Variants in GRAMD4 observed in about 807,000 individuals in gnomAD.
GRAMD4 encodes GRAM domain containing 4.
GRAMD4 carries 25 observed loss-of-function variants against 83.9 expected under a neutral mutation model. The ratio of observed to expected loss-of-function variants is 0.30; its 90% confidence interval spans 0.22 to 0.42. GRAMD4 has a LOEUF of 0.42. Among genes scored for constraint, GRAMD4 ranks in the 10% least tolerant of loss-of-function variants. The pLI, the probability that GRAMD4 is intolerant of heterozygous loss-of-function variation, is 1.00. For missense variants in GRAMD4, 593 were observed against 788.7 expected (o/e 0.75, Z 2.97); for synonymous variants, 336 against 320.9 (o/e 1.05, Z -0.50).
downstream of GRAMD4, among the ~76,000 whole-genome samples, chr22:46,680,932 A>G (rs529203199): frequency 1.0e-5 from 1 of 98,528 alleles, no homozygotes; most frequent in South Asian, 4.4e-4. Context: ...CCACCCATTT[A>G]CCCACCCACC....
Position 46,679,398 on chromosome 22 carries a change from C to T in GRAMD4, c.*2147C>T. 2 of 985,422 alleles carry T rather than the reference C, an allele frequency of 2.0e-6. No individual in the cohort carries two copies. Among genetic ancestry groups the T allele is most frequent in the Admixed American group, 6.1e-5 (1 of 16,290 alleles). 61.0% of individuals were successfully genotyped at this position (985,422 alleles called of 1,614,324 possible). On this transcript the variant is annotated 3_prime_UTR_variant, in exon 19 of 19. Transcript: ENST00000406902. ...CGGGGAGCGGGGGGTCGGGGGAGGG[C>T]CACCGACTGGCTCTGCTGCCAGCAC...
rs1262814777 is a variant in GRAMD4, at chr22:46,604,960, A to T, written c.-49-21791A>T. Reference sequence around the variant, plus strand: ...GGGTTCACCCAGGTCTTGGTGCCATAATGTTCTCTGGGTTCACCCAGGTTT... The same window carrying T: ...GGGTTCACCCAGGTCTTGGTGCCATTATGTTCTCTGGGTTCACCCAGGTTT... On this transcript the variant is annotated intron_variant, in intron 1 of 1. Coordinates refer to the GRAMD4 transcript ENST00000431155. Among the ~76,000 whole-genome samples the T allele has an allele frequency of 8.3e-5, 8 of 95,856 alleles. 1 individual carries two copies. The highest frequency in any genetic ancestry group is 3.9e-4 in the African/African-American group (7 of 17,788). 62.9% of individuals were successfully genotyped at this position (95,856 alleles called of 152,430 possible).
At chr22:46,624,737 C>T (rs951046144) in intron 1 of GRAMD4, among the ~76,000 whole-genome samples, 4 of 152,208 alleles carry the variant, frequency 2.6e-5, no homozygotes, top group African/African-American at 4.8e-5. Context: ...CTCATGCTCC[C>T]TCAGCCTATG....
At chr22:46,639,610 GC>G (rs1471415792) in intron 3 of GRAMD4, among the ~76,000 whole-genome samples, 2 of 151,756 alleles carry the variant, frequency 1.3e-5, no homozygotes, top group Non-Finnish European at 2.9e-5. Flanking sequence ...GCGTGTGCAT[GC>G]CCGTGTGCAG....
At chr22:46,582,358 C>T (rs1014176634) in intron 1 of GRAMD4, among the ~76,000 whole-genome samples, 2 of 152,018 alleles carry the variant, frequency 1.3e-5, no homozygotes, top group Admixed American at 6.6e-5. Flanking sequence ...CTCCAGGAAA[C>T]GGCTCAGCCT....
At chr22:46,664,178 C>A in intron 8 of GRAMD4, 61 bp downstream of exon 8, 1 of 1,173,172 alleles carries the variant, frequency 8.5e-7, no homozygotes, top group Non-Finnish European at 1.3e-6. Flanking sequence ...GCATTCACCA[C>A]ATGATCAGGC....
chr22:46,625,397 C>G (rs1368741375), intron 1 of GRAMD4, among the ~76,000 whole-genome samples: 2 of 152,198 alleles, frequency 1.3e-5, no homozygotes, highest in Non-Finnish European at 1.5e-5. Flanking sequence ...TGGAGCTGAC[C>G]TTGCTCTCAG....
rs1050669074 is a variant in GRAMD4, at chr22:46,676,780, A to T, written c.1632+112A>T. On this transcript the variant is annotated intron_variant, in intron 18 of 18. Coordinates refer to ENST00000406902, the MANE Select transcript of GRAMD4 (RefSeq NM_015124.5). ...CAGCCAGAGTTTTAGTTTGGGCAGC[A>T]GGGTCACAAAGCCGCCCCCTCCCTC... 4.4e-5 allele frequency: 43 copies of T among 988,186 alleles called. No homozygotes were observed. The African/African-American group carries it at 6.1e-4, about 14-fold the overall frequency. The allele number at this position is 988,186 out of a possible 1,614,324, so 61.2% of individuals were successfully genotyped here.
At chr22:46,577,716 C>G (rs1016560059) in intron 1 of GRAMD4, among the ~76,000 whole-genome samples, 1 of 152,272 alleles carries the variant, frequency 6.6e-6, no homozygotes, top group Non-Finnish European at 1.5e-5. Flanking sequence ...GAGGGCGCCC[C>G]AGCCCCTGCT....
Position 46,677,544 on chromosome 22 carries a change from A to G in GRAMD4, c.*293A>G. 8.5e-7 allele frequency: 1 copy of G among 1,178,088 alleles called. No individual in the cohort carries two copies. Among genetic ancestry groups the G allele is most frequent in the Non-Finnish European group, 1.1e-6 (1 of 947,080 alleles). The allele number at this position is 1,178,088 out of a possible 1,614,324, so 73.0% of individuals were successfully genotyped here. The stretch of plus-strand genomic sequence containing the variant: ...TCGGGGGCCCGTGGAGAAGACACAC[A>G]GGACCCCTGGCCCTGCCCTTCTCCG... On this transcript the variant is annotated 3_prime_UTR_variant, in exon 19 of 19. Coordinates refer to ENST00000406902, the MANE Select transcript of GRAMD4 (RefSeq NM_015124.5).
upstream of GRAMD4, among the ~76,000 whole-genome samples, chr22:46,616,733 C>T (rs1381430286): frequency 3.8e-5 from 5 of 131,296 alleles, no homozygotes; most frequent in Admixed American, 7.6e-5. Context: ...TAGGTTCCCC[C>T]GTGTGTGCAG....
In GRAMD4 at chr22:46,661,455, G is replaced by A; in HGVS notation, c.466+13G>A. On this transcript the variant is annotated intron_variant, in intron 5 of 18. Coordinates refer to ENST00000406902, the MANE Select transcript of GRAMD4 (RefSeq NM_015124.5). ...AGCAATGGAGCAGGTACACCCTGGTGGGCGGGTGGACAGGCAGGCGGGCGG... is the reference window on the plus strand; with the variant it reads ...AGCAATGGAGCAGGTACACCCTGGTAGGCGGGTGGACAGGCAGGCGGGCGG... 6.3e-7 allele frequency: 1 copy of A among 1,599,812 alleles called. No homozygotes were observed.
intron 6 of GRAMD4, 138 bp from the exon 7 acceptor site, chr22:46,663,700 A>G (rs2542035): frequency 0.51 from 414,582 of 810,868 alleles, 109,281 homozygotes; most frequent in African/African-American, 0.74. Flanking sequence ...GTGCATGGCC[A>G]TTCTGTGCAC....
rs76609431 is a variant in GRAMD4 at position 46,649,685 on chromosome 22, C to T, written c.284-8502C>T. 2.4e-3 allele frequency among the ~76,000 whole-genome samples: 372 copies of T among 152,342 alleles called. 1 individual carries two copies. Among genetic ancestry groups the T allele is most frequent in the Non-Finnish European group, 4.1e-3 (280 of 68,036 alleles). ...GCTCCTTCCTGGTTATCAGCCAAGA[C>T]AGTGTTGACAGTTGATCGTTCAGTA... On this transcript the variant is annotated intron_variant, in intron 3 of 18. Transcript: ENST00000406902.
intron 1 of GRAMD4, among the ~76,000 whole-genome samples, chr22:46,582,425 C>G (rs1035064581): frequency 6.6e-6 from 1 of 152,162 alleles, no homozygotes; most frequent in African/African-American, 2.4e-5. Context: ...CACGTCCCCC[C>G]TCCAGGGAGG....
At chr22:46,669,106 C>CTTGG (rs1209484618) in intron 13 of GRAMD4, among the ~76,000 whole-genome samples, 198 bp downstream of exon 13, 1 of 151,964 alleles carries the variant, frequency 6.6e-6, no homozygotes, top group Non-Finnish European at 1.5e-5. Context: ...TTTCTTAAAT[C>CTTGG]AAGAAGCCCT....
Position 46,677,908 on chromosome 22 carries a change from G to A in GRAMD4, c.*657G>A. The A allele has an allele frequency of 1.0e-6, 1 of 985,140 alleles. No individual in the cohort carries two copies. Among genetic ancestry groups the A allele is most frequent in the Non-Finnish European group, 1.2e-6 (1 of 829,622 alleles). 61.0% of individuals were successfully genotyped at this position (985,140 alleles called of 1,614,324 possible). ...GGTGAGAAGGGCCCACCCCTCGCCT[G>A]CCCTCAGTGTCTTTGGTGGCACCTT... On this transcript the variant is annotated 3_prime_UTR_variant, in exon 19 of 19. Coordinates refer to ENST00000406902, the MANE Select transcript of GRAMD4 (RefSeq NM_015124.5).
At position 46,621,799 on chromosome 22, in the gene GRAMD4, G is replaced by C. The variant is rs937280967; in HGVS notation, c.-50+1234G>C. Among the ~76,000 whole-genome samples, 2 of 152,228 alleles carry C rather than the reference G, an allele frequency of 1.3e-5. No homozygotes were observed. The highest frequency in any genetic ancestry group is 2.9e-5 in the Non-Finnish European group (2 of 68,030). On this transcript the variant is annotated intron_variant, in intron 1 of 18. Coordinates refer to ENST00000406902, the MANE Select transcript of GRAMD4 (RefSeq NM_015124.5). This position sits in a 1 kb window ranked among gnomAD's most constrained non-coding sequence, Gnocchi z 5.8. ...CCCGGGCCCATCCCTGGTGGTGAAG[G>C]CTGGAAGGTCCATCCCTGGCAGTGT...
intron 10 of GRAMD4, 46 bp downstream of exon 10, chr22:46,666,919 C>T (rs781633966): frequency 7.9e-6 from 11 of 1,390,030 alleles, no homozygotes; most frequent in Non-Finnish European, 2.0e-6. Context: ...GTCTCCATCA[C>T]GTCAGGCCTC....
Sources: gnomAD v4.1 joint callset for allele counts (sites outside exome capture counted in the v4.1 genomes callset) on GRCh38, gnomAD v4.1.1 for gene constraint, Gnocchi (gnomAD v3.1) non-coding constraint, MANE v1.5 for transcripts, NCBI Gene and HGNC (gene_info 2026-07-23, HGNC 2026-07-21) for gene names.